NEGR1: variants seen among roughly 807,000 people sequenced by gnomAD.
NEGR1 encodes the protein IgLON family member 4.
Under a neutral mutation model 40.9 loss-of-function variants are expected in NEGR1, and 10 were observed. The observed-to-expected ratio is 0.24, with a 90% confidence interval of 0.15 to 0.42. The LOEUF is 0.42. NEGR1 is among the 10% of genes least tolerant of loss of function. The pLI, the probability that NEGR1 is intolerant of heterozygous loss-of-function variation, is 1.00. For synonymous variants in NEGR1, 185 were observed against 166.8 expected (o/e 1.11, Z -0.84); for missense variants, 352 against 438.9 (o/e 0.80, Z 1.77).
At chr1:71,642,248 G>A (rs1651378444) in intron 4 of NEGR1, among the ~76,000 whole-genome samples, 1 of 151,816 alleles carries the variant, frequency 6.6e-6, no homozygotes, top group African/African-American at 2.4e-5. Flanking sequence ...AATATGGCCA[G>A]GAGAATAAAA....
Position 71,597,412 on chromosome 1 carries a change from TTA to T in NEGR1, c.789-4446_789-4445del, listed in dbSNP as rs369364525. 3.3e-4 allele frequency among the ~76,000 whole-genome samples: 40 copies of T among 120,538 alleles called. 2 individuals are homozygous for T. Among genetic ancestry groups the T allele is most frequent in the East Asian group, 2.1e-3 (9 of 4,290 alleles). The allele number at this position is 120,538 out of a possible 152,430, so 79.1% of individuals were successfully genotyped here. On this transcript the variant is annotated intron_variant, in intron 5 of 6. Coordinates refer to ENST00000357731, the MANE Select transcript of NEGR1 (RefSeq NM_173808.3). ...GCCTTTCTCAAGGATGGAGTTTTAT[TTA>T]TATATATATATATATATGTCTCTCT...
At chr1:71,527,848 A>T (rs1569988967) in intron 6 of NEGR1, among the ~76,000 whole-genome samples, 1 of 151,452 alleles carries the variant, frequency 6.6e-6, no homozygotes, top group East Asian at 2.0e-4. Context: ...AACCTCTATT[A>T]TCTATAAATC....
intron 1 of NEGR1, among the ~76,000 whole-genome samples, chr1:72,242,229 T>C (rs955066587): frequency 1.3e-5 from 2 of 151,694 alleles, no homozygotes; most frequent in Non-Finnish European, 3.0e-5. Context: ...TGAAAACAAC[T>C]TCTACACTTT....
intron 3 of NEGR1, among the ~76,000 whole-genome samples, chr1:71,750,244 C>T (rs866561129): frequency 2.7e-4 from 41 of 152,242 alleles, no homozygotes; most frequent in African/African-American, 7.9e-4. Flanking sequence ...CCACCCGCCT[C>T]GGCCTCCCAA....
Position 71,761,392 on chromosome 1 carries a change from T to G in NEGR1, c.535+14780A>C, listed in dbSNP as rs931044078. ...TAGGCTTTAAGTTGCTAATCCATGG[T>G]CTACAGACTATTTTATTTTGTTTAC... On this transcript the variant is annotated intron_variant, in intron 3 of 6. Coordinates refer to ENST00000357731, the MANE Select transcript of NEGR1 (RefSeq NM_173808.3). 1.2e-4 allele frequency among the ~76,000 whole-genome samples: 19 copies of G among 152,176 alleles called. 1 individual carries two copies. The highest frequency in any genetic ancestry group is 4.3e-4 in the African/African-American group (18 of 41,448).
intron 1 of NEGR1, among the ~76,000 whole-genome samples, chr1:71,955,337 G>A (rs1191434759): frequency 1.3e-5 from 2 of 152,042 alleles, no homozygotes; most frequent in Admixed American, 6.6e-5. Flanking sequence ...AATGCAGAGA[G>A]GAATTCTATT....
chr1:71,478,108 T>C (rs967738348), intron 6 of NEGR1, among the ~76,000 whole-genome samples: 28 of 152,086 alleles, frequency 1.8e-4, no homozygotes, highest in African/African-American at 6.3e-4. Flanking sequence ...TGTCCCATTT[T>C]ACTTTGCTCT....
intron 1 of NEGR1, among the ~76,000 whole-genome samples, chr1:72,158,128 G>C (rs1002873415): frequency 4.6e-5 from 7 of 152,202 alleles, no homozygotes; most frequent in African/African-American, 1.7e-4. Flanking sequence ...GCATATGTGA[G>C]AAGCTCTACG....
intron 2 of NEGR1, among the ~76,000 whole-genome samples, chr1:71,881,658 T>C (rs1660587759): frequency 1.3e-5 from 2 of 152,086 alleles, no homozygotes; most frequent in South Asian, 2.1e-4. Context: ...GTCTTAACTA[T>C]GAAAATGTAC....
intron 1 of NEGR1, among the ~76,000 whole-genome samples, chr1:72,220,764 T>C (rs1001999597): frequency 6.6e-6 from 1 of 152,054 alleles, no homozygotes; most frequent in Non-Finnish European, 1.5e-5. Flanking sequence ...AACTACTATT[T>C]AAACTGTAAA....
intron 2 of NEGR1, among the ~76,000 whole-genome samples, chr1:71,788,179 TACAA>T (rs1656981053): frequency 2.6e-5 from 4 of 152,106 alleles, no homozygotes; most frequent in Admixed American, 2.6e-4. Context: ...AAAAAAATAT[TACAA>T]ACAAAGGTTA....
At chr1:71,985,411 T>C (rs1351795761) in intron 1 of NEGR1, among the ~76,000 whole-genome samples, 1 of 152,190 alleles carries the variant, frequency 6.6e-6, no homozygotes, top group East Asian at 1.9e-4. Flanking sequence ...TTATGTGTAA[T>C]AGTTCATTTA....
intron 2 of NEGR1, among the ~76,000 whole-genome samples, chr1:71,875,769 A>G (rs1016143101): frequency 1.2e-4 from 18 of 152,186 alleles, no homozygotes; most frequent in African/African-American, 4.1e-4. Context: ...AGATTTTAAT[A>G]AAGAATGTAC....
Position 72,126,091 on chromosome 1 carries a change from ATGTGTGTGTGTGTG to A in NEGR1, c.176+156214_176+156227del, listed in dbSNP as rs67552146. On this transcript the variant is annotated intron_variant, in intron 1 of 6. Transcript: ENST00000357731. The stretch of plus-strand genomic sequence containing the variant: ...CCCTTATGAGTCATTAGAGAAAAGT[ATGTGTGTGTGTGTG>A]TGTGTGTGTGTGTGTGTGTGTGTGT... Among the ~76,000 whole-genome samples the A allele has an allele frequency of 5.3e-3, 776 of 146,752 alleles. 7 individuals carry two copies. The highest frequency in any genetic ancestry group is 0.017 in the African/African-American group (670 of 38,982).
chr1:71,743,391 G>C (rs1321484328), intron 3 of NEGR1, among the ~76,000 whole-genome samples: 1 of 150,522 alleles, frequency 6.6e-6, no homozygotes, highest in Non-Finnish European at 1.5e-5. Flanking sequence ...GATAGCTAAT[G>C]ATTCAGCTGT....
intron 1 of NEGR1, among the ~76,000 whole-genome samples, chr1:72,232,759 T>G (rs1374532005): frequency 6.6e-6 from 1 of 152,144 alleles, no homozygotes; most frequent in Non-Finnish European, 1.5e-5. Flanking sequence ...AAATAGGTGA[T>G]TAAAACAATA....
At chr1:71,551,451 A>G (rs74088155) in intron 6 of NEGR1, among the ~76,000 whole-genome samples, 5,547 of 151,706 alleles carry the variant, frequency 0.037, 357 homozygotes, top group African/African-American at 0.13. Context: ...AAATTTAATC[A>G]GGTAAATTCA....
chr1:72,062,568 A>T (rs980553273), intron 1 of NEGR1, among the ~76,000 whole-genome samples: 5 of 152,000 alleles, frequency 3.3e-5, no homozygotes, highest in African/African-American at 1.2e-4. Flanking sequence ...GGTTAAAAAG[A>T]ACTTTGAGGA....
chr1:72,241,436 T>C (rs1226345419), intron 1 of NEGR1, among the ~76,000 whole-genome samples: 2 of 151,690 alleles, frequency 1.3e-5, no homozygotes, highest in African/African-American at 4.8e-5. Context: ...TTTTTTCTTT[T>C]GACCATTAGA....
Sources: allele counts gnomAD v4.1 joint callset (sites outside exome capture counted in the v4.1 genomes callset), GRCh38; gene constraint gnomAD v4.1.1; transcripts MANE v1.5; gene names NCBI Gene and HGNC (gene_info 2026-07-23, HGNC 2026-07-21).